Variants in ENDOV observed in about 807,000 individuals in gnomAD.
ENDOV encodes endonuclease V.
A neutral mutation model predicts 39.4 loss-of-function variants in ENDOV; 37 were observed. That is an observed-to-expected ratio of 0.94 (90% CI 0.72 to 1.23). ENDOV has a LOEUF of 1.23. Among genes scored for constraint, ENDOV ranks in the 50% most tolerant of loss-of-function variants. ENDOV has a pLI of 0.00. For synonymous variants in ENDOV, 186 were observed against 163.4 expected (o/e 1.14, Z -1.05); for missense variants, 441 against 375.7 (o/e 1.17, Z -1.44).
rs1362038826 is a variant in ENDOV at position 80,425,621 on chromosome 17, G to C, written c.714+1G>C. On this transcript the variant is annotated splice_donor_variant, in intron 7 of 9. Coordinates refer to ENST00000518137, the MANE Select transcript of ENDOV (RefSeq NM_173627.5). LOFTEE classifies it high-confidence loss of function. ...CCGGATCCCAGAGCCCGTGCGCCAG[G>C]TGGGTGTGCTGGGGATGCGGGGAGG... 6.3e-7 allele frequency: 1 copy of C among 1,580,234 alleles called. No individual in the cohort carries two copies. Among genetic ancestry groups the C allele is most frequent in the Admixed American group, 1.8e-5 (1 of 57,128 alleles).
chr17:80,425,453 G>A, intron 6 of ENDOV, 39 bp from the exon 7 acceptor site: 2 of 1,571,348 alleles, frequency 1.3e-6, no homozygotes. Context: ...GGTCCCGGTG[G>A]CCCAGCCCAC....
rs183989957 is a variant in ENDOV, at chr17:80,415,411, G to A, written c.56+161G>A. The A allele has an allele frequency of 1.1e-4, 118 of 1,057,540 alleles. No individual in the cohort carries two copies. The African/African-American group carries it at 1.6e-3, about 14-fold the overall frequency. The allele number at this position is 1,057,540 out of a possible 1,614,324, so 65.5% of individuals were successfully genotyped here. ...CGGCGCGGAAGCGGAGGGATCTCAG[G>A]AATTGTAGTCCGCGGGGTGGGCGCG... On this transcript the variant is annotated intron_variant, in intron 1 of 9. Transcript: ENST00000518137.
intron 8 of ENDOV, 33 bp from the exon 9 acceptor site, chr17:80,429,740 C>A: frequency 6.3e-7 from 1 of 1,577,942 alleles, no homozygotes; most frequent in South Asian, 1.2e-5. Context: ...GCGCTAGCAT[C>A]TGATGCTGTC....
chr17:80,421,390 ACCAGGTC>A (rs1343770584), intron 2 of ENDOV, among the ~76,000 whole-genome samples: 29 of 150,396 alleles, frequency 1.9e-4, no homozygotes, highest in Admixed American at 1.9e-3. Flanking sequence ...CCTCCTATGG[ACCAGGTC>A]CCAGGGGCTC....
At chr17:80,421,578 C>T (rs1177697903) in intron 2 of ENDOV, among the ~76,000 whole-genome samples, 6 of 137,256 alleles carry the variant, frequency 4.4e-5, no homozygotes, top group East Asian at 2.2e-4. Flanking sequence ...GCTGCTGCTA[C>T]GGACCAGGTC....
intron 6 of ENDOV, 75 bp downstream of exon 6, chr17:80,425,175 C>G: frequency 7.5e-7 from 1 of 1,325,628 alleles, no homozygotes. Flanking sequence ...CAGGTGCATG[C>G]AGACACGCGT....
In ENDOV at chr17:80,422,148, C is replaced by G. The variant is rs41298710; in HGVS notation, c.364-58C>G. The G allele has an allele frequency of 2.8e-4, 447 of 1,609,316 alleles. 1 individual carries two copies. The African/African-American group carries it at 5.5e-3, about 20-fold the overall frequency. The stretch of plus-strand genomic sequence containing the variant: ...CCCCCTTCTTGCCTCAGGGATGGCC[C>G]TGTCCTGAGGGCCGAGGGGCAGCTC... On this transcript the variant is annotated intron_variant, in intron 3 of 9. Coordinates refer to ENST00000518137, the MANE Select transcript of ENDOV (RefSeq NM_173627.5).
At chr17:80,427,440 G>A (rs975874955) in intron 7 of ENDOV, 8 of 985,276 alleles carry the variant, frequency 8.1e-6, no homozygotes, top group Non-Finnish European at 9.6e-6. Flanking sequence ...AGTACCTTAA[G>A]CATCTAGAAA....
rs937773316 is a variant in ENDOV, at chr17:80,430,130, C to G, written c.838+299C>G. 8 of 1,526,840 alleles carry G rather than the reference C, an allele frequency of 5.2e-6. No individual in the cohort carries two copies. In the African/African-American group the frequency reaches 1.1e-4, roughly 21 times the overall value. The allele number at this position is 1,526,840 out of a possible 1,614,324, so 94.6% of individuals were successfully genotyped here. ...CCAGCACCAGGTGGGGCAGAGGTGA[C>G]CACGGCCCCTCTTTGCTCCGTCATC... On this transcript the variant is annotated intron_variant, in intron 9 of 9. Coordinates refer to ENST00000518137, the MANE Select transcript of ENDOV (RefSeq NM_173627.5).
At chr17:80,419,680 A>G (rs1047791864) in intron 2 of ENDOV, 3 of 702,690 alleles carry the variant, frequency 4.3e-6, no homozygotes, top group Admixed American at 2.0e-5. Flanking sequence ...CCTTGACCAC[A>G]CTGTCCCAAG....
intron 7 of ENDOV, 153 bp from the exon 8 acceptor site, chr17:80,428,443 A>G (rs1027642165): frequency 1.4e-6 from 1 of 703,344 alleles, no homozygotes; most frequent in Non-Finnish European, 2.4e-6. Flanking sequence ...ACTCGCTGAC[A>G]GGGCCGCGGC....
chr17:80,426,844 C>T (rs1055610246), intron 7 of ENDOV, among the ~76,000 whole-genome samples: 2 of 152,206 alleles, frequency 1.3e-5, no homozygotes, highest in Admixed American at 6.5e-5. Context: ...GGCCGCTGTG[C>T]GTGCTGTGGA....
At chr17:80,428,295 G>T in intron 7 of ENDOV, 1 of 433,790 alleles carries the variant, frequency 2.3e-6, no homozygotes, top group East Asian at 4.4e-5. Context: ...ACTGCCACTG[G>T]TGGGGAGGAG....
rs780316939 is a variant in ENDOV, at chr17:80,415,755, C to T, written c.162C>T (p.Ser54=). 2 of 1,606,232 alleles carry T rather than the reference C, an allele frequency of 1.2e-6. No homozygotes were observed. Among genetic ancestry groups the T allele is most frequent in the South Asian group, 1.1e-5 (1 of 89,480 alleles). The part of the protein sequence containing the change: ...GLQRVGGVDV[S]FVKGDSVRAC... Reference sequence around the variant, plus strand: ...AGAGGGTCGGGGGCGTTGACGTGTCCTTCGTGAAAGGGGACAGTGTCCGCG... The same window carrying T: ...AGAGGGTCGGGGGCGTTGACGTGTCTTTCGTGAAAGGGGACAGTGTCCGCG... The change falls in exon 2 of 10, where the codon TCC becomes TCT. Residue 54 remains serine, a synonymous_variant. Transcript: ENST00000518137.
At chr17:80,423,865 G>C in intron 5 of ENDOV, 1 of 542,838 alleles carries the variant, frequency 1.8e-6, no homozygotes, top group Non-Finnish European at 3.3e-6. Context: ...TGCCTCTCTG[G>C]TCCCCCTTGC....
intron 9 of ENDOV, among the ~76,000 whole-genome samples, chr17:80,435,022 A>G (rs1324247301): frequency 2.0e-5 from 3 of 152,194 alleles, no homozygotes; most frequent in Admixed American, 2.0e-4. Flanking sequence ...TCTCATGTCT[A>G]GTAACCATTT....
At chr17:80,416,744 CTCTCTCTG>C (rs1280574975) in intron 2 of ENDOV, among the ~76,000 whole-genome samples, 2 of 138,740 alleles carry the variant, frequency 1.4e-5, no homozygotes, top group East Asian at 4.9e-4. Context: ...CCCTTCCTTC[CTCTCTCTG>C]TCTCTCTTTC....
intron 2 of ENDOV, chr17:80,420,663 A>G (rs555803421): frequency 6.6e-6 from 1 of 152,390 alleles, no homozygotes; most frequent in East Asian, 1.9e-4. Context: ...CAGAATGTGG[A>G]CATAGTGGGA....
chr17:80,424,909 C>G (rs41299828), intron 5 of ENDOV, 123 bp from the exon 6 acceptor site: 10 of 754,244 alleles, frequency 1.3e-5, no homozygotes, highest in Non-Finnish European at 2.2e-5. Flanking sequence ...GAGCTGAGAT[C>G]GCGCCACTGT....
Sources: allele counts gnomAD v4.1 joint callset (sites outside exome capture counted in the v4.1 genomes callset), GRCh38; gene constraint gnomAD v4.1.1; transcripts MANE v1.5; gene names NCBI Gene and HGNC (gene_info 2026-07-23, HGNC 2026-07-21).